SSBP3: variants seen among roughly 807,000 people sequenced by gnomAD.
SSBP3 encodes the protein single stranded DNA binding protein 3, also known as single-stranded DNA-binding protein 3.
Under a neutral mutation model 69.6 loss-of-function variants are expected in SSBP3, and 5 were observed. That is an observed-to-expected ratio of 0.07 (90% CI 0.04 to 0.15). The LOEUF is 0.15. Among genes scored for constraint, SSBP3 ranks in the 10% least tolerant of loss-of-function variants. SSBP3 has a pLI of 1.00. For missense variants in SSBP3, 312 were observed against 534.0 expected (o/e 0.58, Z 4.10); for synonymous variants, 196 against 193.4 (o/e 1.01, Z -0.11).
chr1:54,304,928 AC>A (rs1295873129), intron 4 of SSBP3, among the ~76,000 whole-genome samples: 5 of 151,748 alleles, frequency 3.3e-5, no homozygotes, highest in Non-Finnish European at 7.4e-5. Flanking sequence ...CACCACCACC[AC>A]CCCCACCGAC....
intron 4 of SSBP3, among the ~76,000 whole-genome samples, chr1:54,384,105 CAAAA>C (rs34137070): frequency 1.1e-4 from 10 of 94,100 alleles, no homozygotes; most frequent in East Asian, 9.8e-4. Context: ...GACTCCATCT[CAAAA>C]AAAAAAAAAA....
intron 5 of SSBP3, among the ~76,000 whole-genome samples, chr1:54,269,919 T>C (rs919227176): frequency 2.0e-5 from 3 of 152,200 alleles, no homozygotes; most frequent in African/African-American, 7.2e-5. Context: ...TTGGTTAGCC[T>C]AGCCTAGGTC....
At chr1:54,405,796 G>A (rs183895460) in intron 1 of SSBP3, among the ~76,000 whole-genome samples, 157 bp downstream of exon 1, 49,656 of 143,020 alleles carry the variant, frequency 0.35, 9,952 homozygotes, top group South Asian at 0.52. Flanking sequence ...GCCGCCCGCC[G>A]CGGCCTCGGG....
chr1:54,227,923 G>A (rs866872078), intron 17 of SSBP3, among the ~76,000 whole-genome samples: 7 of 152,174 alleles, frequency 4.6e-5, no homozygotes, highest in South Asian at 2.1e-4. Context: ...TTGGCTGCAC[G>A]AACCTTTCCC....
chr1:54,360,903 G>A (rs1188623438), intron 4 of SSBP3, among the ~76,000 whole-genome samples: 2 of 145,146 alleles, frequency 1.4e-5, no homozygotes, highest in South Asian at 2.2e-4. Context: ...AACATAGTAA[G>A]ACCTTGTCTC....
At position 54,309,278 on chromosome 1, in the gene SSBP3, T is replaced by G. The variant is rs576040600; in HGVS notation, c.277-27751A>C. Among the ~76,000 whole-genome samples, 4 of 152,330 alleles carry G rather than the reference T, an allele frequency of 2.6e-5. No individual in the cohort carries two copies. The South Asian group carries it at 8.3e-4, about 32-fold the overall frequency. On this transcript the variant is annotated intron_variant, in intron 4 of 17. Coordinates refer to ENST00000610401, the Ensembl canonical transcript of SSBP3. ...CTGAGGCCAGTTATAAATTTCAAAC[T>G]GAGCCACCCCCAAAAAACACACAAG... is the stretch of plus-strand genomic sequence containing the variant.
intron 4 of SSBP3, among the ~76,000 whole-genome samples, chr1:54,343,965 A>C (rs1410963437): frequency 6.6e-6 from 1 of 152,208 alleles, no homozygotes; most frequent in Non-Finnish European, 1.5e-5. Flanking sequence ...GAGGAAGAGT[A>C]GTCTGTACTT....
chr1:54,400,900 C>A (rs1006916033), intron 4 of SSBP3, among the ~76,000 whole-genome samples: 1 of 152,210 alleles, frequency 6.6e-6, no homozygotes, highest in African/African-American at 2.4e-5. Context: ...GTTCAAGAAA[C>A]CAACTCCCAA....
intron 4 of SSBP3, among the ~76,000 whole-genome samples, chr1:54,320,902 A>G (rs1002116753): frequency 1.3e-5 from 2 of 152,254 alleles, no homozygotes; most frequent in Admixed American, 6.5e-5. Context: ...GAACAAGAGT[A>G]CAAAAAAAGG....
At chr1:54,259,429 A>C (rs1160266971) in intron 5 of SSBP3, among the ~76,000 whole-genome samples, 1 of 152,228 alleles carries the variant, frequency 6.6e-6, no homozygotes, top group Admixed American at 6.5e-5. Flanking sequence ...ACAGTCAGTA[A>C]GCGCGGAGGG....
intron 4 of SSBP3, among the ~76,000 whole-genome samples, chr1:54,292,324 C>A (rs766613997): frequency 6.6e-6 from 1 of 152,224 alleles, no homozygotes; most frequent in Non-Finnish European, 1.5e-5. Flanking sequence ...TTGGCCTTAA[C>A]GAAAACCCTG....
intron 4 of SSBP3, among the ~76,000 whole-genome samples, chr1:54,369,551 T>C (rs772708180): frequency 4.2e-4 from 64 of 152,194 alleles, no homozygotes; most frequent in Non-Finnish European, 8.1e-4. Context: ...ACGGTTTCTG[T>C]GTCTCCACGT....
At chr1:54,411,695 A>G (rs557158436) in intron 1 of SSBP3, among the ~76,000 whole-genome samples, 1 of 151,836 alleles carries the variant, frequency 6.6e-6, no homozygotes, top group Non-Finnish European at 1.5e-5. Flanking sequence ...AATCGAGACC[A>G]TCCTGGCTAA....
intron 5 of SSBP3, among the ~76,000 whole-genome samples, chr1:54,277,215 T>C (rs887154770): frequency 2.0e-5 from 3 of 151,766 alleles, no homozygotes; most frequent in African/African-American, 4.8e-5. Context: ...ACGTTCATGG[T>C]AGACATTGCC....
intron 10 of SSBP3, 123 bp from the exon 11 acceptor site, chr1:54,242,335 G>T: frequency 9.0e-7 from 1 of 1,111,278 alleles, no homozygotes; most frequent in Non-Finnish European, 1.3e-6. Flanking sequence ...ACAGCCCTGC[G>T]GTTTAGAGCC....
chr1:54,234,595 A>G (rs1261181984), intron 14 of SSBP3, among the ~76,000 whole-genome samples: 3 of 151,526 alleles, frequency 2.0e-5, no homozygotes, highest in Non-Finnish European at 2.9e-5. Flanking sequence ...TAAACAGACA[A>G]ACAAACAAAC....
At chr1:54,402,182 A>G (rs534965553) in intron 3 of SSBP3, among the ~76,000 whole-genome samples, 72 of 152,310 alleles carry the variant, frequency 4.7e-4, no homozygotes, top group African/African-American at 1.3e-3. Context: ...TACATGCCGG[A>G]TGCTTCACAC....
chr1:54,310,602 A>C (rs1645984615), intron 4 of SSBP3, among the ~76,000 whole-genome samples: 1 of 143,714 alleles, frequency 7.0e-6, no homozygotes, highest in Admixed American at 7.2e-5. Context: ...TCCCTCCCCC[A>C]CCCTCACAGT....
In SSBP3 at chr1:54,391,897, C is replaced by T. The variant is rs372174207; in HGVS notation, c.276+9964G>A. Among the ~76,000 whole-genome samples, 36 of 152,274 alleles carry T rather than the reference C, an allele frequency of 2.4e-4. 1 individual carries two copies. The highest frequency in any genetic ancestry group is 7.9e-4 in the African/African-American group (33 of 41,568). ...ACCCCCTCCACCCACCCACCTCAAT[C>T]ACAGACAGGCAGAAGGAGCTGCCCC... On this transcript the variant is annotated intron_variant, in intron 4 of 17. Transcript: ENST00000610401.
Sources: allele counts gnomAD v4.1 joint callset (sites outside exome capture counted in the v4.1 genomes callset), GRCh38; gene constraint gnomAD v4.1.1; transcripts MANE v1.5; gene names NCBI Gene and HGNC (gene_info 2026-07-23, HGNC 2026-07-21).